The following ZNF804B variants were observed in gnomAD, a reference collection of about 807,000 sequenced individuals.
ZNF804B encodes the protein zinc finger protein 804B.
Under a neutral mutation model 101.4 loss-of-function variants are expected in ZNF804B, and 80 were observed. The observed-to-expected ratio is 0.79, with a 90% confidence interval of 0.66 to 0.95. ZNF804B has a LOEUF of 0.95. ZNF804B is among the 40% of genes least tolerant of loss of function. The pLI is 0.00. For synonymous variants in ZNF804B, 622 were observed against 558.8 expected (o/e 1.11, Z -1.59); for missense variants, 1,673 against 1,561.9 (o/e 1.07, Z -1.20).
chr7:89,222,848 G>A (rs372757371), intron 2 of ZNF804B, among the ~76,000 whole-genome samples: 31 of 151,674 alleles, frequency 2.0e-4, no homozygotes, highest in African/African-American at 4.8e-4. Flanking sequence ...TTTTGTATAC[G>A]CTTCCCACTT....
At position 88,918,245 on chromosome 7, in the gene ZNF804B, G is replaced by A. The variant is rs116692346; in HGVS notation, c.108+158161G>A. ...AAATACTTTCAAATAAGTATAATCC[G>A]TTGGCATGTGCTCTTTAAGATATGC... is the stretch of plus-strand genomic sequence containing the variant. On this transcript the variant is annotated intron_variant, in intron 1 of 3. Transcript: ENST00000333190. Among the ~76,000 whole-genome samples, 563 of 152,102 alleles carry A rather than the reference G, an allele frequency of 3.7e-3. 3 individuals are homozygous for A. Among genetic ancestry groups the A allele is most frequent in the African/African-American group, 0.013 (539 of 41,498 alleles).
chr7:89,328,276 G>A (rs939911548), intron 3 of ZNF804B, among the ~76,000 whole-genome samples: 51 of 151,908 alleles, frequency 3.4e-4, no homozygotes, highest in Middle Eastern at 3.4e-3. Context: ...GACTTAAAAG[G>A]TAATTTTAAG....
At chr7:88,991,558 T>G (rs902002403) in intron 1 of ZNF804B, among the ~76,000 whole-genome samples, 1 of 152,162 alleles carries the variant, frequency 6.6e-6, no homozygotes, top group East Asian at 1.9e-4. Context: ...TTCAACCAGT[T>G]TCTCAGAAAA....
chr7:89,024,972 A>G (rs1350837306), intron 1 of ZNF804B, among the ~76,000 whole-genome samples: 3 of 152,022 alleles, frequency 2.0e-5, no homozygotes, highest in Non-Finnish European at 4.4e-5. Flanking sequence ...TGAGCGACTA[A>G]TTACACCCAT....
intron 1 of ZNF804B, among the ~76,000 whole-genome samples, chr7:89,075,022 T>A (rs755841686): frequency 5.3e-5 from 8 of 152,156 alleles, no homozygotes; most frequent in Non-Finnish European, 8.8e-5. Context: ...AGAAAAAATT[T>A]CTAAGCAGCA....
intron 1 of ZNF804B, among the ~76,000 whole-genome samples, chr7:89,049,291 G>A (rs1251836455): frequency 3.9e-5 from 6 of 152,224 alleles, no homozygotes; most frequent in Admixed American, 2.0e-4. Context: ...CCACCAAAGG[G>A]AGATTTTCAG....
chr7:88,977,587 A>G (rs1793633707), intron 1 of ZNF804B, among the ~76,000 whole-genome samples: 1 of 151,448 alleles, frequency 6.6e-6, no homozygotes. Context: ...TATCCATAGT[A>G]ATGTCTCTAT....
chr7:88,907,481 GAAC>G (rs1429673807), intron 1 of ZNF804B, among the ~76,000 whole-genome samples: 1 of 151,982 alleles, frequency 6.6e-6, no homozygotes, highest in Non-Finnish European at 1.5e-5. Context: ...CTACTAAGGA[GAAC>G]AACAGAAGCT....
chr7:89,031,182 T>C (rs1042636822), intron 1 of ZNF804B, among the ~76,000 whole-genome samples: 6 of 137,830 alleles, frequency 4.4e-5, no homozygotes, highest in Non-Finnish European at 9.7e-5. Flanking sequence ...TAAAAATATA[T>C]ATGTGTATAT....
At chr7:89,295,369 A>G (rs936564092) in intron 2 of ZNF804B, among the ~76,000 whole-genome samples, 2 of 152,100 alleles carry the variant, frequency 1.3e-5, no homozygotes, top group Non-Finnish European at 2.9e-5. Context: ...GATTGCCTCA[A>G]AGCTTTCTTG....
At chr7:88,837,631 G>T (rs1791234147) in intron 1 of ZNF804B, among the ~76,000 whole-genome samples, 1 of 151,910 alleles carries the variant, frequency 6.6e-6, no homozygotes, top group Non-Finnish European at 1.5e-5. Context: ...TTGTAATGAA[G>T]CTTTAATAAG....
At chr7:88,776,560 G>GTTT (rs57733765) in intron 1 of ZNF804B, among the ~76,000 whole-genome samples, 23 of 75,104 alleles carry the variant, frequency 3.1e-4, no homozygotes, top group Admixed American at 5.0e-4. Flanking sequence ...GTGGTGTTTT[G>GTTT]TTTTTTTTTT....
At chr7:88,762,224 G>T (rs1255574724) in intron 1 of ZNF804B, among the ~76,000 whole-genome samples, 1 of 152,144 alleles carries the variant, frequency 6.6e-6, no homozygotes, top group African/African-American at 2.4e-5. Flanking sequence ...AACACTATTT[G>T]ATTTACTTGG....
intron 1 of ZNF804B, among the ~76,000 whole-genome samples, chr7:89,009,675 T>A (rs1408958559): frequency 6.6e-6 from 1 of 152,146 alleles, no homozygotes; most frequent in Admixed American, 6.5e-5. Flanking sequence ...AGATCCCTAA[T>A]CTCTTCCACC....
At chr7:89,238,873 C>T (rs899895929) in intron 2 of ZNF804B, among the ~76,000 whole-genome samples, 3 of 152,108 alleles carry the variant, frequency 2.0e-5, no homozygotes, top group African/African-American at 7.2e-5. Flanking sequence ...AGGTGGCAGA[C>T]CTGACTTTCC....
At chr7:89,305,302 A>T (rs1790543672) in intron 2 of ZNF804B, among the ~76,000 whole-genome samples, 1 of 152,014 alleles carries the variant, frequency 6.6e-6, no homozygotes, top group Non-Finnish European at 1.5e-5. Context: ...ACATGAAAGC[A>T]GAGTCTGTTA....
At chr7:89,172,286 G>A (rs1451452794) in intron 1 of ZNF804B, among the ~76,000 whole-genome samples, 1 of 152,114 alleles carries the variant, frequency 6.6e-6, no homozygotes, top group Non-Finnish European at 1.5e-5. Context: ...AAAGATGGAA[G>A]AGGGCACCAG....
chr7:88,947,775 T>C (rs1793158994), intron 1 of ZNF804B, among the ~76,000 whole-genome samples: 1 of 151,850 alleles, frequency 6.6e-6, no homozygotes, highest in Non-Finnish European at 1.5e-5. Context: ...AAAAGAAATC[T>C]AAAATCCCAA....
At chr7:88,886,804 A>G (rs1301592737) in intron 1 of ZNF804B, among the ~76,000 whole-genome samples, 2 of 151,804 alleles carry the variant, frequency 1.3e-5, no homozygotes, top group African/African-American at 2.4e-5. Flanking sequence ...TATAATTCCT[A>G]ATAGACTTTT....
Sources: gnomAD v4.1 joint callset for allele counts (sites outside exome capture counted in the v4.1 genomes callset) on GRCh38, gnomAD v4.1.1 for gene constraint, MANE v1.5 for transcripts, NCBI Gene and HGNC (gene_info 2026-07-23, HGNC 2026-07-21) for gene names.